The following CAMK1D variants were observed in gnomAD, a reference collection of about 807,000 sequenced individuals.
The protein encoded by CAMK1D is calcium/calmodulin dependent protein kinase ID.
Under a neutral mutation model 47.7 loss-of-function variants are expected in CAMK1D, and 9 were observed. The observed-to-expected ratio is 0.19, with a 90% confidence interval of 0.11 to 0.33. The LOEUF is 0.33. Ranked by LOEUF, CAMK1D falls within the 10% of genes least tolerant of loss-of-function variation. The pLI, the probability that CAMK1D is intolerant of heterozygous loss-of-function variation, is 1.00. For synonymous variants in CAMK1D, 184 were observed against 184.9 expected (o/e 0.99, Z 0.04); for missense variants, 291 against 488.7 (o/e 0.60, Z 3.81).
At chr10:12,413,273 T>G (rs1839727111) in intron 1 of CAMK1D, among the ~76,000 whole-genome samples, 1 of 151,548 alleles carries the variant, frequency 6.6e-6, no homozygotes, top group Admixed American at 6.6e-5. Flanking sequence ...GGAAGGGGAG[T>G]GCCACACACT....
At chr10:12,391,976 A>AACACACACACACACACACACACACAC in intron 1 of CAMK1D, among the ~76,000 whole-genome samples, 1 of 143,252 alleles carries the variant, frequency 7.0e-6, no homozygotes, top group South Asian at 2.3e-4. Flanking sequence ...CTTGTCTTAA[A>AACACACACACACACACACACACACAC]ACACACACAC....
chr10:12,812,089 C>T (rs1472243718), intron 6 of CAMK1D, among the ~76,000 whole-genome samples: 1 of 152,254 alleles, frequency 6.6e-6, no homozygotes, highest in Non-Finnish European at 1.5e-5. Context: ...CGCCCCTGCG[C>T]AGCGATGGCT....
intron 2 of CAMK1D, among the ~76,000 whole-genome samples, chr10:12,591,249 C>T (rs1485449995): frequency 6.6e-6 from 1 of 152,220 alleles, no homozygotes; most frequent in Non-Finnish European, 1.5e-5. Context: ...GTCCAGGAAA[C>T]CAACCAATAA....
At chr10:12,675,579 T>G (rs760035214) in intron 3 of CAMK1D, among the ~76,000 whole-genome samples, 19 of 152,286 alleles carry the variant, frequency 1.2e-4, no homozygotes, top group Middle Eastern at 6.8e-3. Flanking sequence ...ACACAACCAC[T>G]TTTCCTCGTC....
chr10:12,372,690 G>A (rs1307751100), intron 1 of CAMK1D, among the ~76,000 whole-genome samples: 1 of 152,108 alleles, frequency 6.6e-6, no homozygotes, highest in Non-Finnish European at 1.5e-5. Context: ...CTGCAGCCTC[G>A]TGATCACGGC....
chr10:12,629,425 A>G (rs1362943822), intron 2 of CAMK1D, among the ~76,000 whole-genome samples: 1 of 152,228 alleles, frequency 6.6e-6, no homozygotes, highest in South Asian at 2.1e-4. Context: ...ACATAAAAAT[A>G]TAATGTGCAT....
At chr10:12,797,165 C>G (rs1838231416) in intron 6 of CAMK1D, among the ~76,000 whole-genome samples, 1 of 150,876 alleles carries the variant, frequency 6.6e-6, no homozygotes, top group South Asian at 2.1e-4. Flanking sequence ...GCAGCTCTTT[C>G]TCTTGGCTGG....
intron 1 of CAMK1D, among the ~76,000 whole-genome samples, chr10:12,385,902 G>A (rs370286295): frequency 1.1e-4 from 16 of 152,086 alleles, no homozygotes; most frequent in South Asian, 4.2e-4. Flanking sequence ...GTGCGCCACC[G>A]CGCCTGGCTA....
chr10:12,451,521 T>A (rs1388208062), intron 1 of CAMK1D, among the ~76,000 whole-genome samples: 3 of 152,230 alleles, frequency 2.0e-5, no homozygotes, highest in African/African-American at 7.2e-5. Context: ...CTGGGGCAGC[T>A]CTTTTCCTGT....
chr10:12,695,406 G>GGCGT (rs1176781985), intron 3 of CAMK1D, among the ~76,000 whole-genome samples: 1 of 152,060 alleles, frequency 6.6e-6, no homozygotes, highest in Non-Finnish European at 1.5e-5. Flanking sequence ...CTGTCCCCAA[G>GGCGT]GCGTGCCCTT....
At chr10:12,417,585 C>A (rs1313955352) in intron 1 of CAMK1D, among the ~76,000 whole-genome samples, 1 of 152,074 alleles carries the variant, frequency 6.6e-6, no homozygotes, top group African/African-American at 2.4e-5. Flanking sequence ...GGCCTGGGAA[C>A]TGGGGTTCAG....
Position 12,825,573 on chromosome 10 carries a change from C to A in CAMK1D, c.922C>A (p.Gln308Lys), listed in dbSNP as rs186526367. The change falls in exon 10 of 11, where the codon CAA (glutamine) becomes AAA (lysine). Residue 308 changes from glutamine (Q) to lysine (K), a missense_variant and splice_region_variant. Around this residue, in one of 2 missense-constraint regions of CAMK1D, gnomAD observed 219 missense variants for 424.3 expected, o/e 0.52. Coordinates refer to ENST00000619168, the MANE Select transcript of CAMK1D (RefSeq NM_153498.4). ...RKNFAKSKWR[Q>K]AFNATAVVRH... is the part of the protein sequence containing the mutation. ...GCTTTTTTCCTTTCTGAAATTTCAG[C>A]AAGCATTTAATGCCACGGCCGTCGT... The A allele has an allele frequency of 6.2e-7, 1 of 1,600,958 alleles. No individual in the cohort carries two copies. The highest frequency in any genetic ancestry group is 8.5e-7 in the Non-Finnish European group (1 of 1,175,748).
chr10:12,794,493 A>G (rs1838109016), intron 6 of CAMK1D, among the ~76,000 whole-genome samples: 1 of 152,174 alleles, frequency 6.6e-6, no homozygotes, highest in Admixed American at 6.6e-5. Flanking sequence ...ATGATTTGAC[A>G]AGTGGTGCAC....
rs184389172 is a variant in CAMK1D, at chr10:12,699,041, G to A, written c.299+32231G>A. On this transcript the variant is annotated intron_variant, in intron 3 of 10. Transcript: ENST00000619168. ...GGAGCCAAATCAGAGCTGTAAGGGG[G>A]ATGCCTAATGATGTCCTACTGAAAT... Among the ~76,000 whole-genome samples, 599 of 152,136 alleles carry A rather than the reference G, an allele frequency of 3.9e-3. 7 individuals carry two copies. The highest frequency in any genetic ancestry group is 0.013 in the African/African-American group (552 of 41,528).
At chr10:12,611,480 T>C (rs1838618384) in intron 2 of CAMK1D, among the ~76,000 whole-genome samples, 1 of 151,884 alleles carries the variant, frequency 6.6e-6, no homozygotes, top group Admixed American at 6.6e-5. Flanking sequence ...CGCCTGGGCC[T>C]GAGAAGACAT....
chr10:12,466,930 A>G (rs1588517753), intron 1 of CAMK1D, among the ~76,000 whole-genome samples: 1 of 152,158 alleles, frequency 6.6e-6, no homozygotes, highest in African/African-American at 2.4e-5. Flanking sequence ...CTTGTTTAAA[A>G]TCTCTGGAAC....
intron 1 of CAMK1D, among the ~76,000 whole-genome samples, chr10:12,406,067 A>G (rs947517452): frequency 1.3e-5 from 2 of 152,126 alleles, no homozygotes; most frequent in Admixed American, 6.5e-5. Context: ...GGGTGCATCA[A>G]TCAAATGGTG....
intron 3 of CAMK1D, among the ~76,000 whole-genome samples, chr10:12,707,255 G>A (rs1375312818): frequency 6.6e-6 from 1 of 152,190 alleles, no homozygotes; most frequent in African/African-American, 2.4e-5. Flanking sequence ...GTGGAGGCCT[G>A]ACTAATTAAG....
chr10:12,399,966 A>T (rs969898661), intron 1 of CAMK1D, among the ~76,000 whole-genome samples: 2 of 152,204 alleles, frequency 1.3e-5, no homozygotes, highest in Admixed American at 1.3e-4. Context: ...TATTGGTGAG[A>T]TGATGTGACT....
Sources: gnomAD v4.1 joint callset for allele counts (sites outside exome capture counted in the v4.1 genomes callset) on GRCh38, gnomAD v4.1.1 for gene constraint, gnomAD v4.1.1 regional missense constraint, MANE v1.5 for transcripts, NCBI Gene and HGNC (gene_info 2026-07-23, HGNC 2026-07-21) for gene names.